PTK2: variants seen among roughly 807,000 people sequenced by gnomAD.
PTK2 encodes focal adhesion kinase 1.
In PTK2, 45 loss-of-function variants were observed where a neutral mutation model predicts 150.1. The observed-to-expected ratio is 0.30, with a 90% CI of 0.24 to 0.38. The LOEUF (loss-of-function observed/expected upper bound fraction) is 0.38. PTK2 is among the 10% of genes least tolerant of loss of function. PTK2 has a pLI of 1.00. For synonymous variants in PTK2, 432 were observed against 449.2 expected (o/e 0.96, Z 0.48); for missense variants, 919 against 1,307.3 (o/e 0.70, Z 4.58).
chr8:140,668,765 T>C (rs535970494), intron 29 of PTK2: 53 of 187,382 alleles, frequency 2.8e-4, no homozygotes, highest in African/African-American at 1.2e-3. Context: ...ATCTGGGAAT[T>C]TACTGAATTT....
chr8:140,837,192 T>C, intron 7 of PTK2, among the ~76,000 whole-genome samples: 1 of 152,176 alleles, frequency 6.6e-6, no homozygotes, highest in South Asian at 2.1e-4. Context: ...AGTTGTTCCC[T>C]GTTGTGTGAG....
At chr8:140,953,061 A>G (rs1276808148) in intron 1 of PTK2, among the ~76,000 whole-genome samples, 1 of 152,224 alleles carries the variant, frequency 6.6e-6, no homozygotes, top group Non-Finnish European at 1.5e-5. Flanking sequence ...TTGACTTTCA[A>G]TAGGTTAAAT....
At chr8:140,852,763 C>G (rs1392649522) in intron 5 of PTK2, among the ~76,000 whole-genome samples, 1 of 152,186 alleles carries the variant, frequency 6.6e-6, no homozygotes, top group Non-Finnish European at 1.5e-5. Context: ...GAAGACTGAG[C>G]AGAAGTAACC....
intron 5 of PTK2, among the ~76,000 whole-genome samples, chr8:140,853,125 C>CACACCTTAA (rs1181528731): frequency 5.3e-5 from 8 of 151,990 alleles, no homozygotes; most frequent in Non-Finnish European, 1.0e-4. Context: ...ACCTCCAACA[C>CACACCTTAA]ACACCTTAAA....
At chr8:140,669,326 T>TACATATATATAC (rs1563954358) in intron 29 of PTK2, 11 of 137,756 alleles carry the variant, frequency 8.0e-5, no homozygotes, top group African/African-American at 2.9e-4. Flanking sequence ...TATATATATA[T>TACATATATATAC]ATATATATAT....
In PTK2 at chr8:140,668,513, A is replaced by C. The variant is rs112884826; in HGVS notation, c.2710-89T>G. 1,633 of 1,396,600 alleles carry C rather than the reference A, an allele frequency of 1.2e-3. 17 individuals are homozygous for C. In the African/African-American group the frequency reaches 0.02, roughly 17 times the overall value. The allele number at this position is 1,396,600 out of a possible 1,614,324, so 86.5% of individuals were successfully genotyped here. On this transcript the variant is annotated intron_variant, in intron 29 of 31. Transcript: ENST00000522684. ...AAGCTAGAGAGGGTCTTTACAAGAG[A>C]TCAAAGCAGATTGCAGAAGGTCATT...
intron 14 of PTK2, among the ~76,000 whole-genome samples, chr8:140,788,796 G>A (rs1243605121): frequency 1.3e-5 from 2 of 152,128 alleles, no homozygotes; most frequent in Non-Finnish European, 2.9e-5. Flanking sequence ...ACATATATAA[G>A]AACAAATTAC....
intron 2 of PTK2, among the ~76,000 whole-genome samples, chr8:140,896,918 A>T (rs2100156557): frequency 6.6e-6 from 1 of 152,208 alleles, no homozygotes; most frequent in African/African-American, 2.4e-5. Context: ...TCTACAAATA[A>T]ACTGCTGGAA....
At chr8:140,746,694 T>G in intron 18 of PTK2, 66 bp downstream of exon 21, 1 of 1,221,134 alleles carries the variant, frequency 8.2e-7, no homozygotes, top group East Asian at 2.4e-5. Flanking sequence ...CTGTTTATAT[T>G]TTCCTTTCTT....
intron 2 of PTK2, among the ~76,000 whole-genome samples, chr8:140,893,680 T>A (rs2100154983): frequency 6.6e-6 from 1 of 152,160 alleles, no homozygotes; most frequent in Non-Finnish European, 1.5e-5. Context: ...CTTTTGGGGA[T>A]GAGAGAAATG....
At chr8:140,888,074 T>C (rs2100152962) in intron 3 of PTK2, among the ~76,000 whole-genome samples, 1 of 152,244 alleles carries the variant, frequency 6.6e-6, no homozygotes, top group South Asian at 2.1e-4. Context: ...TATACTTGGA[T>C]TCTTTACTAA....
intron 14 of PTK2, among the ~76,000 whole-genome samples, chr8:140,770,036 A>AGAG (rs1286365764): frequency 6.6e-6 from 1 of 152,246 alleles, no homozygotes; most frequent in Non-Finnish European, 1.5e-5. Context: ...ATAAGCCCTC[A>AGAG]GCAAGCCCAT....
intron 10 of PTK2, among the ~76,000 whole-genome samples, chr8:140,810,880 G>A (rs1566842402): frequency 6.6e-6 from 1 of 152,148 alleles, no homozygotes; most frequent in Non-Finnish European, 1.5e-5. Context: ...TGCACACACA[G>A]ACCTGGGCCT....
intron 1 of PTK2, among the ~76,000 whole-genome samples, chr8:140,938,295 C>T (rs1408428674): frequency 6.6e-6 from 1 of 152,176 alleles, no homozygotes; most frequent in Non-Finnish European, 1.5e-5. Flanking sequence ...CAGTATGGAG[C>T]CTTAAACATT....
intron 31 of PTK2, 30 bp downstream of exon 35, chr8:140,664,887 G>C: frequency 6.3e-7 from 1 of 1,597,742 alleles, no homozygotes; most frequent in East Asian, 2.2e-5. Flanking sequence ...TGCTGTCACA[G>C]AGGGCTGCAA....
intron 26 of PTK2, among the ~76,000 whole-genome samples, chr8:140,695,668 C>A (rs1053333964): frequency 2.6e-5 from 4 of 152,128 alleles, no homozygotes; most frequent in Non-Finnish European, 4.4e-5. Context: ...TCCCAAAGTA[C>A]TGGGATTACA....
chr8:140,820,076 GTTTT>G (rs370537018), intron 8 of PTK2, among the ~76,000 whole-genome samples: 1 of 50,194 alleles, frequency 2.0e-5, no homozygotes, highest in Non-Finnish European at 4.2e-5. Flanking sequence ...TCTGACTTTG[GTTTT>G]TTTTTTTTTT....
At chr8:140,688,388 A>G (rs2100021218) in intron 26 of PTK2, among the ~76,000 whole-genome samples, 1 of 152,170 alleles carries the variant, frequency 6.6e-6, no homozygotes, top group Admixed American at 6.6e-5. Context: ...TTTAAAAGCA[A>G]TAGTTAAATA....
At chr8:140,865,360 G>A (rs1223678373) in intron 4 of PTK2, among the ~76,000 whole-genome samples, 1 of 152,056 alleles carries the variant, frequency 6.6e-6, no homozygotes, top group East Asian at 1.9e-4. Context: ...CTCCACCCCT[G>A]GCCATGTTCA....
Sources: gnomAD v4.1 joint callset for allele counts (sites outside exome capture counted in the v4.1 genomes callset) on GRCh38, gnomAD v4.1.1 for gene constraint, MANE v1.5 for transcripts, NCBI Gene and HGNC (gene_info 2026-07-23, HGNC 2026-07-21) for gene names.